Variants in KIAA1217 observed in about 807,000 individuals in gnomAD.
KIAA1217 encodes KIAA1217.
KIAA1217 carries 88 observed loss-of-function variants against 163.9 expected under a neutral mutation model. The ratio of observed to expected loss-of-function variants is 0.54; its 90% CI spans 0.45 to 0.64. KIAA1217 has a LOEUF of 0.64. Ranked by LOEUF, KIAA1217 falls within the 30% of genes least tolerant of loss-of-function variation. KIAA1217 has a pLI of 0.00. For missense variants in KIAA1217, 2,372 were observed against 2,475.0 expected, an observed-to-expected ratio of 0.96 and a Z score of 0.88; for synonymous variants, 903 against 923.1, an observed-to-expected ratio of 0.98 and a Z score of 0.39.
At chr10:24,509,439 G>A (rs12252802) in intron 9 of KIAA1217, among the ~76,000 whole-genome samples, 16,353 of 152,222 alleles carry the variant, frequency 0.11, 1,410 homozygotes, top group African/African-American at 0.24. Flanking sequence ...TAAAGCCTAG[G>A]ATTGAAACAG....
At chr10:23,902,487 A>T (rs1410283305) in intron 1 of KIAA1217, among the ~76,000 whole-genome samples, 1 of 152,072 alleles carries the variant, frequency 6.6e-6, no homozygotes, top group African/African-American at 2.4e-5. Flanking sequence ...CTGGGGGCTC[A>T]GGCAAAGCTT....
chr10:23,772,856 T>A (rs939723018), intron 1 of KIAA1217, among the ~76,000 whole-genome samples: 1 of 152,118 alleles, frequency 6.6e-6, no homozygotes, highest in African/African-American at 2.4e-5. Flanking sequence ...CAAACAAGGA[T>A]CGCTTCTCGG....
At chr10:23,950,336 G>A (rs1201726305) in intron 1 of KIAA1217, among the ~76,000 whole-genome samples, 1 of 152,018 alleles carries the variant, frequency 6.6e-6, no homozygotes, top group Admixed American at 6.5e-5. Context: ...GCTAAATCTT[G>A]GCAAATTTTG....
intron 2 of KIAA1217, among the ~76,000 whole-genome samples, chr10:24,343,022 T>C (rs1177984466): frequency 1.3e-5 from 2 of 152,204 alleles, no homozygotes; most frequent in African/African-American, 4.8e-5. Flanking sequence ...ATCAGTTCCC[T>C]ATGCTAATTT....
At chr10:24,068,228 C>T (rs139275008) in intron 2 of KIAA1217, among the ~76,000 whole-genome samples, 274 of 152,346 alleles carry the variant, frequency 1.8e-3, no homozygotes, top group African/African-American at 6.0e-3. Flanking sequence ...CCGTCTTCTG[C>T]GTCGCTCACA....
In KIAA1217 at chr10:24,209,262, G is replaced by A; in HGVS notation, c.69G>A (p.Gln23=). The A allele has an allele frequency of 6.2e-7, 1 of 1,612,984 alleles. No homozygotes were observed. Among genetic ancestry groups the A allele is most frequent in the Non-Finnish European group, 8.5e-7 (1 of 1,179,084 alleles). ...ACTCAGCAGACAGAAGACAGATGCA[G>A]GGTAAGTAACAGACCCATTCAAAGA... ...LPYSADRRQM[Q]EQGKGNLHVT... is the part of the protein sequence containing the mutation. The change falls in exon 1 of 21, where the codon CAG becomes CAA. Residue 23 remains glutamine, a splice_region_variant and synonymous_variant. Coordinates refer to ENST00000376454, the MANE Select transcript of KIAA1217 (RefSeq NM_019590.5).
At chr10:23,848,802 A>AT (rs1368879994) in intron 1 of KIAA1217, among the ~76,000 whole-genome samples, 2 of 152,062 alleles carry the variant, frequency 1.3e-5, no homozygotes, top group Non-Finnish European at 2.9e-5. Flanking sequence ...TCCACAGTGG[A>AT]TTTTTTGTGA....
At chr10:24,378,116 C>T (rs904617876) in intron 2 of KIAA1217, among the ~76,000 whole-genome samples, 4 of 152,022 alleles carry the variant, frequency 2.6e-5, no homozygotes, top group African/African-American at 9.7e-5. Context: ...TTCCTGCCCA[C>T]GTTAACCACA....
intron 2 of KIAA1217, among the ~76,000 whole-genome samples, chr10:24,261,457 C>T (rs923718966): frequency 1.1e-4 from 16 of 148,346 alleles, no homozygotes; most frequent in Admixed American, 2.1e-4. Flanking sequence ...GATTGCACCA[C>T]TGCACTCCAG....
intron 1 of KIAA1217, among the ~76,000 whole-genome samples, chr10:23,816,569 A>G (rs1837323279): frequency 6.6e-6 from 1 of 152,178 alleles, no homozygotes. Context: ...TGGGAGGCCT[A>G]GGCAGGTGGA....
At chr10:24,105,405 C>T (rs1025034669) in intron 2 of KIAA1217, among the ~76,000 whole-genome samples, 1 of 152,148 alleles carries the variant, frequency 6.6e-6, no homozygotes, top group African/African-American at 2.4e-5. Flanking sequence ...GGGAGATATT[C>T]ATGTATCAAA....
At chr10:24,136,386 T>C (rs995740217) in intron 2 of KIAA1217, among the ~76,000 whole-genome samples, 3 of 152,158 alleles carry the variant, frequency 2.0e-5, no homozygotes, top group African/African-American at 7.2e-5. Context: ...GATTATTAGA[T>C]TTTTTAAACT....
At chr10:24,099,140 C>G (rs959398429) in intron 2 of KIAA1217, among the ~76,000 whole-genome samples, 27 of 151,904 alleles carry the variant, frequency 1.8e-4, no homozygotes, top group Non-Finnish European at 4.4e-5. Context: ...TGGGAAGGCC[C>G]TTTTCTTTTT....
intron 2 of KIAA1217, among the ~76,000 whole-genome samples, chr10:24,035,850 A>T (rs1237240609): frequency 6.6e-6 from 1 of 152,224 alleles, no homozygotes; most frequent in Non-Finnish European, 1.5e-5. Flanking sequence ...AACAGAACAG[A>T]GTCAGAGAGG....
At position 24,351,754 on chromosome 10, in the gene KIAA1217, C is replaced by A. The variant is rs891063180; in HGVS notation, c.355-29115C>A. 4.6e-5 allele frequency among the ~76,000 whole-genome samples: 7 copies of A among 152,110 alleles called. No homozygotes were observed. In the South Asian group the frequency reaches 1.2e-3, roughly 27 times the overall value. Reference sequence around the variant, plus strand: ...TGATGGGGCTGCTGTTGGATCTCTCCGAGCCATGTTTGAACTTTTAATAAT... The same window carrying A: ...TGATGGGGCTGCTGTTGGATCTCTCAGAGCCATGTTTGAACTTTTAATAAT... On this transcript the variant is annotated intron_variant, in intron 2 of 20. Coordinates refer to ENST00000376454, the MANE Select transcript of KIAA1217 (RefSeq NM_019590.5).
At chr10:24,004,589 T>C (rs1846904931) in intron 1 of KIAA1217, among the ~76,000 whole-genome samples, 3 of 152,236 alleles carry the variant, frequency 2.0e-5, no homozygotes, top group Non-Finnish European at 4.4e-5. Context: ...ATCCAAGCAA[T>C]GGATTATTAT....
chr10:24,488,830 G>T (rs141200591), intron 6 of KIAA1217, among the ~76,000 whole-genome samples: 50 of 152,190 alleles, frequency 3.3e-4, no homozygotes, highest in African/African-American at 1.2e-3. Context: ...AAATGCCTTC[G>T]GCACTGCCAA....
intron 2 of KIAA1217, among the ~76,000 whole-genome samples, chr10:24,020,532 G>A (rs929246451): frequency 1.3e-5 from 2 of 152,012 alleles, no homozygotes; most frequent in Non-Finnish European, 2.9e-5. Flanking sequence ...TGGGAAGCAC[G>A]GGTGCCTTTC....
intron 2 of KIAA1217, among the ~76,000 whole-genome samples, chr10:24,338,059 A>C (rs2046621061): frequency 6.6e-6 from 1 of 152,196 alleles, no homozygotes; most frequent in African/African-American, 2.4e-5. Context: ...TAATCTAGAA[A>C]GCAACCAACA....
Sources: gnomAD v4.1 joint callset for allele counts (sites outside exome capture counted in the v4.1 genomes callset) on GRCh38, gnomAD v4.1.1 for gene constraint, MANE v1.5 for transcripts, NCBI Gene and HGNC (gene_info 2026-07-23, HGNC 2026-07-21) for gene names.